RNF180: variants seen among roughly 807,000 people sequenced by gnomAD.
The protein encoded by RNF180 is ring finger protein 180, also known as E3 ubiquitin-protein ligase RNF180.
In RNF180, 38 loss-of-function variants were observed where a neutral mutation model predicts 59.2. The observed-to-expected ratio is 0.64, with a 90% CI of 0.50 to 0.84. The LOEUF (loss-of-function observed/expected upper bound fraction) is 0.84. Among genes scored for constraint, RNF180 ranks in the 40% least tolerant of loss-of-function variants. RNF180 has a pLI of 0.00. For synonymous variants in RNF180, 262 were observed against 240.3 expected (o/e 1.09, Z -0.84); for missense variants, 705 against 700.9 (o/e 1.01, Z -0.07).
intron 1 of RNF180, among the ~76,000 whole-genome samples, chr5:64,189,441 TGGA>T (rs1335181834): frequency 1.3e-5 from 2 of 152,022 alleles, no homozygotes; most frequent in Non-Finnish European, 2.9e-5. Context: ...TATGGGAAAT[TGGA>T]AGAAGGTAGT....
intron 5 of RNF180, among the ~76,000 whole-genome samples, chr5:64,239,530 CAATTGTCTTTTGAAAT>C (rs1206557409): frequency 6.6e-6 from 1 of 152,092 alleles, no homozygotes; most frequent in African/African-American, 2.4e-5. Flanking sequence ...TTTCAAAAGA[CAATTGTCTTTTGAAAT>C]AACGTTTCTC....
chr5:64,274,658 C>T (rs1452500775), intron 5 of RNF180, among the ~76,000 whole-genome samples: 1 of 151,982 alleles, frequency 6.6e-6, no homozygotes, highest in Non-Finnish European at 1.5e-5. Flanking sequence ...CTAATTCAGC[C>T]TCACAGCCAC....
At position 64,324,035 on chromosome 5, in the gene RNF180, A is replaced by G. The variant is rs574798255; in HGVS notation, c.1228-1151A>G. On this transcript the variant is annotated intron_variant, in intron 5 of 7. Transcript: ENST00000389100. ...GCACCAATCTACTATCAGTGACTTCAGGCGAAATAACACCACCAATTTTAC... is the reference window on the plus strand; with the variant it reads ...GCACCAATCTACTATCAGTGACTTCGGGCGAAATAACACCACCAATTTTAC... Among the ~76,000 whole-genome samples, 144 of 152,330 alleles carry G rather than the reference A, an allele frequency of 9.5e-4. 2 individuals are homozygous for G. Among genetic ancestry groups the G allele is most frequent in the Non-Finnish European group, 1.9e-3 (127 of 68,030 alleles).
At chr5:64,194,572 C>A (rs1478475627) in intron 1 of RNF180, among the ~76,000 whole-genome samples, 1 of 152,192 alleles carries the variant, frequency 6.6e-6, no homozygotes, top group Non-Finnish European at 1.5e-5. Context: ...TCCCTGAGGA[C>A]TCGCCATACT....
chr5:64,244,613 T>G (rs894168334), intron 5 of RNF180, among the ~76,000 whole-genome samples: 71 of 152,186 alleles, frequency 4.7e-4, no homozygotes, highest in Non-Finnish European at 8.4e-4. Context: ...CTACATTTGA[T>G]TGGTGTACCT....
intron 2 of RNF180, among the ~76,000 whole-genome samples, chr5:64,206,698 T>C (rs1014729035): frequency 2.0e-5 from 3 of 152,134 alleles, no homozygotes; most frequent in Non-Finnish European, 2.9e-5. Context: ...AGATAGGGTC[T>C]TTAGGAGTTA....
intron 5 of RNF180, among the ~76,000 whole-genome samples, chr5:64,303,567 A>G (rs567645869): frequency 1.8e-4 from 27 of 151,856 alleles, no homozygotes; most frequent in African/African-American, 6.5e-4. Flanking sequence ...AGATGAAACC[A>G]GCCACAATAT....
In RNF180 at chr5:64,188,466, T is replaced by A. The variant is rs543075426; in HGVS notation, c.1-12342T>A. ...GGAGGTATGGATAGTTTAAAAAAAA[T>A]TTGGAAATATTATTTGCCCTGAGAT... is the stretch of plus-strand genomic sequence containing the variant. On this transcript the variant is annotated intron_variant, in intron 1 of 7. Coordinates refer to ENST00000389100, the MANE Select transcript of RNF180 (RefSeq NM_001113561.2). Among the ~76,000 whole-genome samples, 35 of 152,216 alleles carry A rather than the reference T, an allele frequency of 2.3e-4. 1 individual carries two copies. Among genetic ancestry groups the A allele is most frequent in the Admixed American group, 1.8e-3 (28 of 15,298 alleles).
intron 5 of RNF180, among the ~76,000 whole-genome samples, chr5:64,252,658 G>C (rs957178465): frequency 6.6e-6 from 1 of 152,124 alleles, no homozygotes; most frequent in Admixed American, 6.6e-5. Context: ...ATGGGCATGA[G>C]GACAGCTGCC....
intron 5 of RNF180, among the ~76,000 whole-genome samples, chr5:64,221,358 G>T (rs990403323): frequency 2.0e-5 from 3 of 152,004 alleles, no homozygotes; most frequent in Non-Finnish European, 2.9e-5. Flanking sequence ...TAGTCGTTTA[G>T]TAAAGAAGAC....
At chr5:64,265,181 G>A (rs1391948383) in intron 5 of RNF180, among the ~76,000 whole-genome samples, 1 of 152,088 alleles carries the variant, frequency 6.6e-6, no homozygotes, top group Non-Finnish European at 1.5e-5. Flanking sequence ...TAGGTTGCCT[G>A]TTCACTCTGA....
intron 5 of RNF180, among the ~76,000 whole-genome samples, chr5:64,246,112 A>T (rs1011284522): frequency 4.6e-5 from 7 of 152,214 alleles, no homozygotes; most frequent in African/African-American, 1.7e-4. Context: ...GGATGCAGCT[A>T]AAGCAGTGTT....
chr5:64,355,130 G>A (rs891086988), intron 7 of RNF180, among the ~76,000 whole-genome samples: 1 of 151,904 alleles, frequency 6.6e-6, no homozygotes, highest in Non-Finnish European at 1.5e-5. Context: ...AAAAGAAGTA[G>A]TAAAACTATC....
Position 64,353,795 on chromosome 5 carries a change from A to G in RNF180, c.1580-15820A>G, listed in dbSNP as rs1176937809. On this transcript the variant is annotated intron_variant, in intron 7 of 7. Coordinates refer to ENST00000389100, the MANE Select transcript of RNF180 (RefSeq NM_001113561.2). ...TATCTTCGCTGACCGCATAGAATGA[A>G]GCTAGAAATCCATATAGAAAGAAAA... is the stretch of plus-strand genomic sequence containing the variant. Among the ~76,000 whole-genome samples the G allele has an allele frequency of 2.0e-5, 3 of 151,966 alleles. No homozygotes were observed. In the East Asian group the frequency reaches 5.8e-4, roughly 29 times the overall value.
At chr5:64,217,458 T>G (rs1476173603) in intron 5 of RNF180, 62 bp downstream of exon 5, 3 of 1,325,442 alleles carry the variant, frequency 2.3e-6, no homozygotes, top group Non-Finnish European at 2.9e-6. Context: ...GCTGTACCAT[T>G]TTGCATTCCA....
intron 5 of RNF180, among the ~76,000 whole-genome samples, chr5:64,317,163 T>C (rs981518197): frequency 6.6e-6 from 1 of 152,102 alleles, no homozygotes; most frequent in East Asian, 1.9e-4. Flanking sequence ...TGTGTGTGTG[T>C]ACACACACAT....
At chr5:64,219,774 C>T (rs1752817285) in intron 5 of RNF180, among the ~76,000 whole-genome samples, 1 of 152,084 alleles carries the variant, frequency 6.6e-6, no homozygotes, top group Admixed American at 6.6e-5. Flanking sequence ...CTGCCTCAGC[C>T]TCCCAAAGTG....
intron 7 of RNF180, among the ~76,000 whole-genome samples, chr5:64,359,407 G>C (rs1331057349): frequency 2.0e-5 from 3 of 151,922 alleles, no homozygotes; most frequent in Non-Finnish European, 4.4e-5. Flanking sequence ...ATTTTTTCAT[G>C]TGTTTTTTGG....
At chr5:64,249,868 A>G (rs1316595207) in intron 5 of RNF180, among the ~76,000 whole-genome samples, 2 of 152,196 alleles carry the variant, frequency 1.3e-5, no homozygotes, top group African/African-American at 2.4e-5. Context: ...CTGCAATACA[A>G]TAATAGTATG....
Sources: allele counts gnomAD v4.1 joint callset (sites outside exome capture counted in the v4.1 genomes callset), GRCh38; gene constraint gnomAD v4.1.1; transcripts MANE v1.5; gene names NCBI Gene and HGNC (gene_info 2026-07-23, HGNC 2026-07-21).